Variants in RBMS1 observed in about 807,000 individuals in gnomAD.
The protein encoded by RBMS1 is RNA-binding motif, single-stranded-interacting protein 1.
In RBMS1, 17 loss-of-function variants were observed where a neutral mutation model predicts 62.3. The observed-to-expected ratio is 0.27, with a 90% CI of 0.19 to 0.41. RBMS1 has a LOEUF of 0.41. Among genes scored for constraint, RBMS1 ranks in the 10% least tolerant of loss-of-function variants. The pLI, the probability that RBMS1 is intolerant of heterozygous loss-of-function variation, is 1.00. For missense variants in RBMS1, 334 were observed against 504.5 expected (o/e 0.66, Z 3.24); for synonymous variants, 172 against 170.0 (o/e 1.01, Z -0.09).
intron 1 of RBMS1, among the ~76,000 whole-genome samples, chr2:160,452,468 A>G (rs4664329): frequency 0.97 from 147,164 of 152,288 alleles, 71,258 homozygotes; most frequent in East Asian, 1. Flanking sequence ...TTAATAACAC[A>G]TAATACAACA....
intron 6 of RBMS1, among the ~76,000 whole-genome samples, chr2:160,295,499 T>C (rs145273183): frequency 5.9e-5 from 9 of 152,356 alleles, no homozygotes; most frequent in Non-Finnish European, 1.0e-4. Context: ...ACCCCTGCAG[T>C]AACGCTCTCA....
intron 3 of RBMS1, among the ~76,000 whole-genome samples, chr2:160,317,911 C>T (rs1272594565): frequency 6.6e-6 from 1 of 152,026 alleles, no homozygotes; most frequent in Non-Finnish European, 1.5e-5. Context: ...AAATGCCAAC[C>T]CGTATTTTGC....
intron 1 of RBMS1, among the ~76,000 whole-genome samples, chr2:160,377,224 T>C (rs2105179993): frequency 6.6e-6 from 1 of 152,332 alleles, no homozygotes; most frequent in South Asian, 2.1e-4. Flanking sequence ...TATTTTCCTT[T>C]ACCAAATACA....
In RBMS1 at chr2:160,427,064, T is replaced by G. The variant is rs190551637; in HGVS notation, c.76-59673A>C. 9.2e-5 allele frequency among the ~76,000 whole-genome samples: 14 copies of G among 152,328 alleles called. No homozygotes were observed. The East Asian group carries it at 2.1e-3, about 23-fold the overall frequency. ...GTGTTAGACTTTATCTCTAATCAAT[T>G]TGATAGCCTATGACTGAAAACTCCA... On this transcript the variant is annotated intron_variant, in intron 1 of 13. Transcript: ENST00000348849.
chr2:160,311,316 T>C (rs1689902207), intron 4 of RBMS1, among the ~76,000 whole-genome samples: 2 of 148,526 alleles, frequency 1.3e-5, no homozygotes, highest in African/African-American at 2.5e-5. Context: ...TAAGTCCAAC[T>C]CAATGCAAAG....
At chr2:160,444,270 G>T (rs1468430132) in intron 1 of RBMS1, among the ~76,000 whole-genome samples, 2 of 152,124 alleles carry the variant, frequency 1.3e-5, no homozygotes, top group Admixed American at 1.3e-4. Flanking sequence ...GATTCATGGA[G>T]AAATTTTTCA....
At chr2:160,329,386 A>G (rs1211665794) in intron 2 of RBMS1, among the ~76,000 whole-genome samples, 1 of 152,222 alleles carries the variant, frequency 6.6e-6, no homozygotes, top group Admixed American at 6.5e-5. Flanking sequence ...GACAATGGTT[A>G]CAGCTGTAAG....
chr2:160,451,170 T>TAAAAAAAAA (rs945310789), intron 1 of RBMS1, among the ~76,000 whole-genome samples: 16 of 127,736 alleles, frequency 1.3e-4, no homozygotes, highest in African/African-American at 3.1e-4. Context: ...AAAAAAAAAA[T>TAAAAAAAAA]AAATAAATAA....
rs114565499 is a variant in RBMS1 at position 160,467,743 on chromosome 2, T to C, written c.75+25546A>G. ...TACCACTAATAAATTTTTTAAATGT[T>C]CCAAAATGAAGAGTCTGACAGAAGA... On this transcript the variant is annotated intron_variant, in intron 1 of 13. Transcript: ENST00000348849. Among the ~76,000 whole-genome samples, 1,504 of 152,230 alleles carry C rather than the reference T, an allele frequency of 9.9e-3. 12 individuals are homozygous for C. The highest frequency in any genetic ancestry group is 0.015 in the Non-Finnish European group (1,043 of 68,014).
intron 1 of RBMS1, among the ~76,000 whole-genome samples, chr2:160,406,547 T>C (rs1312790701): frequency 6.6e-6 from 1 of 152,230 alleles, no homozygotes; most frequent in Non-Finnish European, 1.5e-5. Flanking sequence ...CAATCCTGTT[T>C]TTGTTTTCTC....
Position 160,273,916 on chromosome 2 carries a change from G to A in RBMS1, c.*856C>T, listed in dbSNP as rs1188123588. 1 of 152,584 alleles carries A rather than the reference G, an allele frequency of 6.6e-6. No individual in the cohort carries two copies. The highest frequency in any genetic ancestry group is 6.5e-5 in the Admixed American group (1 of 15,286). The allele number at this position is 152,584 out of a possible 1,614,324, so 9.5% of individuals were successfully genotyped here. A position where few individuals can be genotyped will look rare whatever the true frequency, so the allele number is the denominator to read the frequency against. ...AATAAAAGTTCCCCAGTCAGAAAAT[G>A]TGTTTCACACAAAACATTTTTCCCT... On this transcript the variant is annotated 3_prime_UTR_variant, in exon 14 of 14. Coordinates refer to ENST00000348849, the MANE Select transcript of RBMS1 (RefSeq NM_016836.4).
intron 1 of RBMS1, among the ~76,000 whole-genome samples, chr2:160,385,895 G>A (rs76709192): frequency 0.016 from 2,500 of 152,238 alleles, 40 homozygotes; most frequent in Middle Eastern, 0.082. Flanking sequence ...GGTTCGAAAC[G>A]TCCACTGAAA....
chr2:160,381,989 T>C (rs1031660622), intron 1 of RBMS1, among the ~76,000 whole-genome samples: 3 of 152,164 alleles, frequency 2.0e-5, no homozygotes, highest in Admixed American at 2.0e-4. Flanking sequence ...TACATTTGGA[T>C]TAAAGAACAA....
intron 1 of RBMS1, among the ~76,000 whole-genome samples, chr2:160,402,679 G>T (rs940336949): frequency 1.1e-4 from 17 of 152,128 alleles, no homozygotes; most frequent in African/African-American, 4.1e-4. Context: ...CCAAGTAAAG[G>T]GAAGTGTAGT....
intron 1 of RBMS1, among the ~76,000 whole-genome samples, chr2:160,385,907 G>A (rs1417630637): frequency 6.6e-6 from 1 of 152,112 alleles, no homozygotes; most frequent in African/African-American, 2.4e-5. Context: ...CCACTGAAAG[G>A]CTGGGTTTCT....
chr2:160,313,024 G>C, intron 4 of RBMS1, 132 bp downstream of exon 4: 1 of 729,204 alleles, frequency 1.4e-6, no homozygotes, highest in African/African-American at 1.8e-5. Context: ...GGAGGCACAG[G>C]ACAAGTGTCC....
At chr2:160,475,640 T>C (rs1382238095) in intron 1 of RBMS1, among the ~76,000 whole-genome samples, 1 of 152,234 alleles carries the variant, frequency 6.6e-6, no homozygotes, top group Non-Finnish European at 1.5e-5. Flanking sequence ...TGCGTATGTA[T>C]GTCATGCATT....
intron 1 of RBMS1, among the ~76,000 whole-genome samples, chr2:160,391,120 C>A (rs1355922653): frequency 3.3e-5 from 5 of 150,760 alleles, no homozygotes; most frequent in Non-Finnish European, 7.4e-5. Flanking sequence ...GGAGTCCTAA[C>A]CCCCGGTACC....
intron 1 of RBMS1, among the ~76,000 whole-genome samples, chr2:160,488,173 G>T (rs1685674215): frequency 6.6e-6 from 1 of 152,126 alleles, no homozygotes; most frequent in Admixed American, 6.5e-5. Context: ...ATTACATTTT[G>T]CTCTGTATCA....
Sources: allele counts gnomAD v4.1 joint callset (sites outside exome capture counted in the v4.1 genomes callset), GRCh38; gene constraint gnomAD v4.1.1; transcripts MANE v1.5; gene names NCBI Gene and HGNC (gene_info 2026-07-23, HGNC 2026-07-21).